Variants in CREBRF observed in about 807,000 individuals in gnomAD.
The protein encoded by CREBRF is UPF0474 protein C5orf41.
CREBRF carries 5 observed loss-of-function variants against 66.1 expected under a neutral mutation model. The observed-to-expected ratio is 0.08, with a 90% CI of 0.04 to 0.16. The LOEUF (loss-of-function observed/expected upper bound fraction) is 0.16. CREBRF is among the 10% of genes least tolerant of loss of function. CREBRF has a pLI of 1.00. For missense variants in CREBRF, 531 were observed against 744.9 expected, an observed-to-expected ratio of 0.71 and a Z score of 3.34; for synonymous variants, 229 against 264.4, an observed-to-expected ratio of 0.87 and a Z score of 1.30.
At chr5:173,069,416 C>T (rs556715459) in intron 1 of CREBRF, among the ~76,000 whole-genome samples, 32 of 152,072 alleles carry the variant, frequency 2.1e-4, no homozygotes, top group African/African-American at 7.0e-4. Flanking sequence ...CTCTACCTCC[C>T]GGGTTCAAGC....
intron 7 of CREBRF, among the ~76,000 whole-genome samples, chr5:173,117,595 TTC>T (rs1759026949): frequency 2.4e-5 from 1 of 40,966 alleles, no homozygotes; most frequent in Non-Finnish European, 5.6e-5. Flanking sequence ...CCTTCCTTCC[TTC>T]CTTCCATCCC....
At chr5:173,086,257 C>G (rs1758142140) in intron 2 of CREBRF, 5 of 703,440 alleles carry the variant, frequency 7.1e-6, no homozygotes, top group Non-Finnish European at 1.3e-5. Context: ...TGATGTTGAC[C>G]TCAGCTTCTC....
intron 7 of CREBRF, among the ~76,000 whole-genome samples, chr5:173,118,945 C>A (rs930346992): frequency 1.3e-5 from 2 of 151,692 alleles, no homozygotes; most frequent in Non-Finnish European, 2.9e-5. Flanking sequence ...TGTCTTGCCT[C>A]GAACTCCTGG....
chr5:173,123,234 TTAA>T, intron 8 of CREBRF, 32 bp downstream of exon 8: 3 of 1,577,912 alleles, frequency 1.9e-6, no homozygotes, highest in Non-Finnish European at 2.6e-6. Context: ...TTCATAACAA[TTAA>T]TAATATGTGT....
rs564719317 is a variant in CREBRF at position 173,139,273 on chromosome 5, A to G, written c.*5528A>G. ...CCTTTGTAATTTAAAATAAAAAAAG[A>G]TGAAAAGAAAACGTTCTGAATTGTT... is the stretch of plus-strand genomic sequence containing the variant. On this transcript the variant is annotated 3_prime_UTR_variant, in exon 9 of 9. Transcript: ENST00000296953. 1.6e-4 allele frequency: 24 copies of G among 152,198 alleles called. No homozygotes were observed. Among genetic ancestry groups the G allele is most frequent in the Non-Finnish European group, 3.1e-4 (21 of 68,036 alleles). 9.4% of individuals were successfully genotyped at this position (152,198 alleles called of 1,614,324 possible).
Position 173,111,281 on chromosome 5 carries a change from C to CT in CREBRF, c.1607+581dup, listed in dbSNP as rs34062439. On this transcript the variant is annotated intron_variant, in intron 6 of 8. Transcript: ENST00000296953. ...GTAGCCTTTGATTGAACCTGTCTTC[C>CT]TTTTTTTTTTTGAGACAGAGTCTCA... is the stretch of plus-strand genomic sequence containing the variant. 2.0e-3 allele frequency among the ~76,000 whole-genome samples: 299 copies of CT among 147,090 alleles called. 1 individual carries two copies. Among genetic ancestry groups the CT allele is most frequent in the African/African-American group, 5.5e-3 (223 of 40,386 alleles).
At chr5:173,072,742 C>G (rs1757634701) in intron 1 of CREBRF, among the ~76,000 whole-genome samples, 1 of 151,696 alleles carries the variant, frequency 6.6e-6, no homozygotes. Context: ...CATAAGAACT[C>G]AAGAGAGGGA....
intron 1 of CREBRF, among the ~76,000 whole-genome samples, chr5:173,059,967 T>G (rs1276418438): frequency 1.3e-5 from 2 of 152,018 alleles, no homozygotes; most frequent in African/African-American, 4.8e-5. Context: ...CTACTTAGTT[T>G]ACAGGGTGTC....
intron 2 of CREBRF, chr5:173,086,089 C>G (rs1758135986): frequency 1.2e-6 from 1 of 828,776 alleles, no homozygotes; most frequent in African/African-American, 1.7e-5. Context: ...ATAACTGTGA[C>G]TGCATAGTTG....
At chr5:173,100,118 G>GTGTATATATATA (rs70984939) in intron 4 of CREBRF, among the ~76,000 whole-genome samples, 12 of 88,384 alleles carry the variant, frequency 1.4e-4, no homozygotes, top group South Asian at 7.9e-4. Flanking sequence ...GTGTGTGTGT[G>GTGTATATATATA]TATATATATA....
chr5:173,136,791 C>T lies in CREBRF; in HGVS notation c.*3046C>T, dbSNP rs1246311941. ...GTGGCATGTATTTTTGGGTGAAGAT[C>T]ATTAGAGAAGAGTTCTCTAAAGGTT... On this transcript the variant is annotated 3_prime_UTR_variant, in exon 9 of 9. Transcript: ENST00000296953. 3 of 152,308 alleles carry T rather than the reference C, an allele frequency of 2.0e-5. No homozygotes were observed. 9.4% of individuals were successfully genotyped at this position (152,308 alleles called of 1,614,324 possible).
chr5:173,120,385 C>CT (rs567092558), intron 7 of CREBRF, among the ~76,000 whole-genome samples: 13,771 of 144,108 alleles, frequency 0.096, 772 homozygotes, highest in South Asian at 0.16. Context: ...TTCTTTCTTT[C>CT]TTTTTTTTTT....
chr5:173,100,131 A>ATATATAATT (rs1554125245), intron 4 of CREBRF, among the ~76,000 whole-genome samples: 5 of 42,870 alleles, frequency 1.2e-4, no homozygotes, highest in Non-Finnish European at 1.4e-4. Context: ...TATATATATA[A>ATATATAATT]TTTTTTTTTT....
At chr5:173,116,174 A>G (rs1758984340) in intron 7 of CREBRF, among the ~76,000 whole-genome samples, 1 of 152,230 alleles carries the variant, frequency 6.6e-6, no homozygotes. Flanking sequence ...AGAGGTAGAG[A>G]TTAATTTCAG....
At chr5:173,120,653 T>C (rs1034714678) in intron 7 of CREBRF, among the ~76,000 whole-genome samples, 2 of 148,394 alleles carry the variant, frequency 1.3e-5, no homozygotes, top group Non-Finnish European at 3.0e-5. Flanking sequence ...AGTGCTGGGA[T>C]TACAGATGTG....
chr5:173,062,995 C>T (rs1757324491), intron 1 of CREBRF, among the ~76,000 whole-genome samples: 1 of 152,064 alleles, frequency 6.6e-6, no homozygotes, highest in Admixed American at 6.6e-5. Context: ...GATCCGCCCG[C>T]CTCGGCCTCC....
In CREBRF at chr5:173,088,255, CTTTTTTTTTTTTTTT is replaced by C. The variant is rs536962764; in HGVS notation, c.135+1644_135+1658del. Among the ~76,000 whole-genome samples, 22 of 66,864 alleles carry C rather than the reference CTTTTTTTTTTTTTTT, an allele frequency of 3.3e-4. No individual in the cohort carries two copies. The East Asian group carries it at 5.7e-3, about 17-fold the overall frequency. The allele number at this position is 66,864 out of a possible 152,430, so 43.9% of individuals were successfully genotyped here. On this transcript the variant is annotated intron_variant, in intron 3 of 8. Transcript: ENST00000296953. ...CCAATATTGCTTCATCAAATACATT[CTTTTTTTTTTTTTTT>C]TTTTTTTTTTTTTTGAGACAGAGTT...
rs146516876 is a variant in CREBRF, at chr5:173,083,676, A to G, written c.10-2825A>G. 2.5e-3 allele frequency among the ~76,000 whole-genome samples: 380 copies of G among 152,314 alleles called. 5 individuals are homozygous for G. The highest frequency in any genetic ancestry group is 3.4e-3 in the Middle Eastern group (1 of 294). ...AGTGAGAGTGATTTGCTGTATCTGC[A>G]GACCCTAGGAAAAGACAGGGAATTC... On this transcript the variant is annotated intron_variant, in intron 2 of 8. Coordinates refer to ENST00000296953, the MANE Select transcript of CREBRF (RefSeq NM_153607.3).
At position 173,090,917 on chromosome 5, in the gene CREBRF, A is replaced by G. The variant is rs1245996696; in HGVS notation, c.738A>G (p.Gln246=). Residue 246 remains glutamine (Q), a synonymous_variant, in exon 4 of 9, where the codon CAA becomes CAG. Transcript: ENST00000296953. This position sits in a 1 kb window ranked among gnomAD's most constrained non-coding sequence, Gnocchi z 4.5. ...KKAKVKINPV[Q]QSRPLLSQIH... is the part of the protein sequence containing the mutation. ...CAAAGGTAAAGATCAACCCAGTGCA[A>G]CAGAGCCGGCCCTTGTTGAGCCAGA... 3 of 1,614,092 alleles carry G rather than the reference A, an allele frequency of 1.9e-6. No homozygotes were observed. In the Admixed American group the frequency reaches 5.0e-5, roughly 27 times the overall value.
Sources: allele counts gnomAD v4.1 joint callset (sites outside exome capture counted in the v4.1 genomes callset), GRCh38; gene constraint gnomAD v4.1.1; non-coding constraint Gnocchi (gnomAD v3.1); transcripts MANE v1.5; gene names NCBI Gene and HGNC (gene_info 2026-07-23, HGNC 2026-07-21).